The following LHPP variants were observed in gnomAD, a reference collection of about 807,000 sequenced individuals.
The protein encoded by LHPP is hLHPP.
LHPP carries 24 observed loss-of-function variants against 30.3 expected under a neutral mutation model. That is an observed-to-expected ratio of 0.79 (90% CI 0.57 to 1.11). The LOEUF is 1.11. LHPP is among the 50% of genes most tolerant of loss of function. LHPP has a pLI of 0.00. For missense variants in LHPP, 356 were observed against 367.2 expected, an observed-to-expected ratio of 0.97 and a Z score of 0.25; for synonymous variants, 150 against 157.1, an observed-to-expected ratio of 0.95 and a Z score of 0.34.
intron 1 of LHPP, among the ~76,000 whole-genome samples, chr10:124,472,837 C>A (rs999406022): frequency 6.6e-6 from 1 of 152,176 alleles, no homozygotes; most frequent in Non-Finnish European, 1.5e-5. Context: ...GGATTACAGG[C>A]GTGAGCCACT....
chr10:124,500,354 C>G (rs531908207), intron 5 of LHPP, among the ~76,000 whole-genome samples: 16 of 151,976 alleles, frequency 1.1e-4, no homozygotes, highest in African/African-American at 3.9e-4. Context: ...CACCTGTAAT[C>G]CCAGCTACTC....
chr10:124,504,084 C>G lies in LHPP; in HGVS notation c.624+5956C>G, dbSNP rs1953989074. On this transcript the variant is annotated intron_variant, in intron 5 of 6. Coordinates refer to ENST00000368842, the MANE Select transcript of LHPP (RefSeq NM_022126.4). The stretch of plus-strand genomic sequence containing the variant: ...GCAGGTGCCTGTAATCCCAGCTACT[C>G]AGGAGGCTGAGGTGGGAGAATCACT... 5.3e-5 allele frequency among the ~76,000 whole-genome samples: 8 copies of G among 152,084 alleles called. No homozygotes were observed. The South Asian group carries it at 1.7e-3, about 32-fold the overall frequency.
chr10:124,582,347 G>C (rs530704151), intron 6 of LHPP, among the ~76,000 whole-genome samples: 1 of 152,284 alleles, frequency 6.6e-6, no homozygotes, highest in Admixed American at 6.5e-5. Flanking sequence ...GCCCCTCAAA[G>C]TGTTGGGATT....
At chr10:124,498,405 G>A (rs1953795333) in intron 5 of LHPP, 1 of 1,545,536 alleles carries the variant, frequency 6.5e-7, no homozygotes, top group South Asian at 1.2e-5. Context: ...GAAAGGATAA[G>A]AATTGACAAG....
chr10:124,557,518 T>A (rs1444094105), intron 6 of LHPP, among the ~76,000 whole-genome samples: 1 of 152,232 alleles, frequency 6.6e-6, no homozygotes, highest in Non-Finnish European at 1.5e-5. Flanking sequence ...GATTACTTTT[T>A]ACCCAAATCC....
intron 5 of LHPP, among the ~76,000 whole-genome samples, chr10:124,502,259 A>T (rs1564793659): frequency 6.6e-6 from 1 of 152,024 alleles, no homozygotes; most frequent in Non-Finnish European, 1.5e-5. Flanking sequence ...GACACGTTGC[A>T]TGTAGCAGTC....
intron 6 of LHPP, among the ~76,000 whole-genome samples, chr10:124,610,852 C>G (rs375699521): frequency 3.5e-4 from 1 of 2,872 alleles, no homozygotes; most frequent in Admixed American, 3.6e-3. Context: ...AGGGTGTTGA[C>G]GGAGCGGGTG....
At chr10:124,561,768 T>A (rs1948398777) in intron 6 of LHPP, among the ~76,000 whole-genome samples, 1 of 151,412 alleles carries the variant, frequency 6.6e-6, no homozygotes, top group South Asian at 2.1e-4. Context: ...AAAGGGAAGG[T>A]TTAAATAAGA....
chr10:124,492,985 C>T (rs777926088), intron 3 of LHPP, among the ~76,000 whole-genome samples: 1 of 151,894 alleles, frequency 6.6e-6, no homozygotes, highest in African/African-American at 2.4e-5. Flanking sequence ...CTCAGAGGTT[C>T]GAGACCAGCC....
At chr10:124,597,793 T>C (rs563057445) in intron 6 of LHPP, among the ~76,000 whole-genome samples, 31 of 152,334 alleles carry the variant, frequency 2.0e-4, no homozygotes, top group South Asian at 6.2e-4. Flanking sequence ...CGGGGGGATC[T>C]GGCCGTTGGA....
At chr10:124,548,608 G>A (rs558661911) in intron 6 of LHPP, among the ~76,000 whole-genome samples, 2 of 152,320 alleles carry the variant, frequency 1.3e-5, no homozygotes, top group Non-Finnish European at 2.9e-5. Flanking sequence ...TGGCCTGCAC[G>A]GCTGGGTGGG....
At chr10:124,540,124 C>T (rs1010791622) in intron 6 of LHPP, among the ~76,000 whole-genome samples, 1 of 152,174 alleles carries the variant, frequency 6.6e-6, no homozygotes, top group Non-Finnish European at 1.5e-5. Flanking sequence ...CTGCAGGTGC[C>T]CTGGCCCAGC....
intron 3 of LHPP, among the ~76,000 whole-genome samples, chr10:124,495,630 G>A (rs1167209711): frequency 6.6e-6 from 1 of 152,156 alleles, no homozygotes; most frequent in African/African-American, 2.4e-5. Flanking sequence ...CAGCTCCCGA[G>A]GAGCTCAGTT....
At chr10:124,532,389 C>T (rs575649008) in intron 6 of LHPP, among the ~76,000 whole-genome samples, 16 of 152,362 alleles carry the variant, frequency 1.1e-4, no homozygotes, top group African/African-American at 2.9e-4. Flanking sequence ...CACATGCGTC[C>T]ATGCTTACCC....
At chr10:124,575,292 C>T (rs1193840679) in intron 6 of LHPP, among the ~76,000 whole-genome samples, 2 of 152,090 alleles carry the variant, frequency 1.3e-5, no homozygotes, top group Admixed American at 6.5e-5. Flanking sequence ...CTTGCCCCAA[C>T]GCACCACTCA....
In LHPP at chr10:124,609,842, G is replaced by T. The variant is rs964565257; in HGVS notation, c.717-3422G>T. Among the ~76,000 whole-genome samples, 3 of 152,246 alleles carry T rather than the reference G, an allele frequency of 2.0e-5. No individual in the cohort carries two copies. The South Asian group carries it at 6.2e-4, about 31-fold the overall frequency. On this transcript the variant is annotated intron_variant, in intron 6 of 6. Coordinates refer to ENST00000368842, the MANE Select transcript of LHPP (RefSeq NM_022126.4). ...GGAACTCACCCCAGATTGAGCCGTT[G>T]TGGAGTATTCCAGTGTGCAATTCTG...
At chr10:124,586,050 C>T (rs964785496) in intron 6 of LHPP, among the ~76,000 whole-genome samples, 1 of 151,502 alleles carries the variant, frequency 6.6e-6, no homozygotes, top group South Asian at 2.1e-4. Context: ...TCCCAAAGTG[C>T]TGGGATTACA....
chr10:124,534,350 T>G (rs1209257003), intron 6 of LHPP, among the ~76,000 whole-genome samples: 2 of 152,220 alleles, frequency 1.3e-5, no homozygotes, highest in Non-Finnish European at 2.9e-5. Flanking sequence ...GTTTGTTTTG[T>G]TAGTCTCCTG....
chr10:124,507,734 G>C (rs866968421), intron 5 of LHPP, among the ~76,000 whole-genome samples: 1 of 49,514 alleles, frequency 2.0e-5, no homozygotes, highest in Non-Finnish European at 3.6e-5. Flanking sequence ...GGGGGGTAGG[G>C]AGGATTTCAG....
Sources: gnomAD v4.1 joint callset for allele counts (sites outside exome capture counted in the v4.1 genomes callset) on GRCh38, gnomAD v4.1.1 for gene constraint, MANE v1.5 for transcripts, NCBI Gene and HGNC (gene_info 2026-07-23, HGNC 2026-07-21) for gene names.